Variants in GAN observed in about 807,000 individuals in gnomAD.
The protein encoded by GAN is gigaxonin, also known as epididymis secretory sperm binding protein.
In GAN, 48 loss-of-function variants were observed where a neutral mutation model predicts 71.3. The ratio of observed to expected loss-of-function variants is 0.67; its 90% CI spans 0.53 to 0.86. The LOEUF is 0.86. Ranked by LOEUF, GAN falls within the 40% of genes least tolerant of loss-of-function variation. The pLI is 0.00. For synonymous variants in GAN, 386 were observed against 276.8 expected (o/e 1.39, Z -3.92); for missense variants, 928 against 770.1 (o/e 1.21, Z -2.43).
chr16:81,362,373 C>T (rs1311043204), intron 5 of GAN, 126 bp from the exon 6 acceptor site: 2 of 707,844 alleles, frequency 2.8e-6, no homozygotes, highest in South Asian at 1.5e-5. Flanking sequence ...TGATAAAAGC[C>T]CTGAATCCAA....
chr16:81,366,778 T>C (rs555510823), intron 9 of GAN, among the ~76,000 whole-genome samples: 3 of 152,294 alleles, frequency 2.0e-5, no homozygotes, highest in Admixed American at 6.5e-5. Flanking sequence ...TTTCCTTCCT[T>C]GATACATGAC....
intron 1 of GAN, among the ~76,000 whole-genome samples, chr16:81,324,871 C>A (rs1179305604): frequency 6.6e-6 from 1 of 152,166 alleles, no homozygotes; most frequent in South Asian, 2.1e-4. Flanking sequence ...AAGAGTGGAA[C>A]CAGCGGCCGT....
chr16:81,364,939 G>A (rs1462474635), intron 7 of GAN, 35 bp from the exon 8 acceptor site: 7 of 1,610,784 alleles, frequency 4.3e-6, no homozygotes, highest in Admixed American at 1.7e-5. Context: ...AATGAGAAAT[G>A]TTGCCTCTCC....
At position 81,382,467 on chromosome 16, in the gene GAN, T is replaced by G. The variant is rs1904310350; in HGVS notation, c.*4871T>G. 2 of 152,234 alleles carry G rather than the reference T, an allele frequency of 1.3e-5. No homozygotes were observed. Among genetic ancestry groups the G allele is most frequent in the Non-Finnish European group, 2.9e-5 (2 of 68,042 alleles). 9.4% of individuals were successfully genotyped at this position (152,234 alleles called of 1,614,324 possible). ...GTCGTAAGAACAGAAGAAAGTTTCT[T>G]TGAAAGAGAAACTGTTTTTTTATTT... On this transcript the variant is annotated 3_prime_UTR_variant, in exon 11 of 11. Transcript: ENST00000648994.
chr16:81,338,988 T>C (rs1210114146), intron 1 of GAN, among the ~76,000 whole-genome samples: 1 of 152,240 alleles, frequency 6.6e-6, no homozygotes, highest in Non-Finnish European at 1.5e-5. Flanking sequence ...CTCAAGAGTT[T>C]AGAAACTCTT....
chr16:81,353,888 T>A (rs1284023653), intron 2 of GAN, among the ~76,000 whole-genome samples: 1 of 152,098 alleles, frequency 6.6e-6, no homozygotes, highest in Non-Finnish European at 1.5e-5. Flanking sequence ...GCGTACAGTG[T>A]TTTGGGATGC....
In GAN at chr16:81,384,803, A is replaced by G. The variant is rs1384338496; in HGVS notation, c.*7207A>G. ...CTCCGGTATGCGCCTTCTGCACTCC[A>G]CACGTGGTCGCCTCCATCCTCCCTA... On this transcript the variant is annotated 3_prime_UTR_variant, in exon 11 of 11. Transcript: ENST00000648994. 6.6e-6 allele frequency: 1 copy of G among 152,122 alleles called. No homozygotes were observed. The highest frequency in any genetic ancestry group is 2.4e-5 in the African/African-American group (1 of 41,388). 9.4% of individuals were successfully genotyped at this position (152,122 alleles called of 1,614,324 possible). A position where few individuals can be genotyped will look rare whatever the true frequency, so the allele number is the denominator to read the frequency against.
intron 1 of GAN, among the ~76,000 whole-genome samples, chr16:81,345,953 T>C (rs1402385164): frequency 1.3e-5 from 2 of 152,212 alleles, no homozygotes; most frequent in Non-Finnish European, 2.9e-5. Context: ...CAGTTCACAA[T>C]AGGGTTCGTG....
chr16:81,353,023 G>A (rs905152706), intron 2 of GAN, among the ~76,000 whole-genome samples: 1 of 152,220 alleles, frequency 6.6e-6, no homozygotes, highest in Admixed American at 6.5e-5. Context: ...CGGGCGCGGT[G>A]GCTCACGCCT....
At chr16:81,329,405 A>G (rs1241621889) in intron 1 of GAN, among the ~76,000 whole-genome samples, 2 of 152,184 alleles carry the variant, frequency 1.3e-5, no homozygotes, top group Non-Finnish European at 2.9e-5. Flanking sequence ...AAAAGAAAAA[A>G]AGTAAACAGA....
In GAN at chr16:81,354,522, T is replaced by C; in HGVS notation, c.400T>C (p.Cys134Arg). The change falls in exon 3 of 11, where the codon TGT becomes CGT. Residue 134 changes from cysteine (C) to arginine (R), a missense_variant. Coordinates refer to ENST00000648994, the MANE Select transcript of GAN (RefSeq NM_022041.4). ...GGAAGGCTGCATTGCTGCTGAGAAC[T>C]GTATTGGTATCCGTGACTTTGCACT... is the stretch of plus-strand genomic sequence containing the variant. Reference protein sequence around the residue: ...FLEGCIAAENCIGIRDFALHY... With the variant: ...FLEGCIAAENRIGIRDFALHY... 1 of 1,614,032 alleles carries C rather than the reference T, an allele frequency of 6.2e-7. No individual in the cohort carries two copies. The highest frequency in any genetic ancestry group is 8.5e-7 in the Non-Finnish European group (1 of 1,179,890).
chr16:81,353,387 C>T (rs558888782), intron 2 of GAN, among the ~76,000 whole-genome samples: 1 of 151,256 alleles, frequency 6.6e-6, no homozygotes, highest in Non-Finnish European at 1.5e-5. Context: ...GTTTTTTTCA[C>T]GTGCCTATAT....
At chr16:81,344,794 C>T (rs1029109773) in intron 1 of GAN, among the ~76,000 whole-genome samples, 12 of 152,184 alleles carry the variant, frequency 7.9e-5, no homozygotes, top group Non-Finnish European at 1.6e-4. Flanking sequence ...GCAAAAGAAA[C>T]TACCCTCAGA....
At chr16:81,327,649 G>C (rs924141888) in intron 1 of GAN, among the ~76,000 whole-genome samples, 1 of 152,192 alleles carries the variant, frequency 6.6e-6, no homozygotes, top group African/African-American at 2.4e-5. Flanking sequence ...CATTGGGAAA[G>C]AGAAAATGGA....
intron 1 of GAN, among the ~76,000 whole-genome samples, chr16:81,336,841 CT>C (rs1909779353): frequency 2.0e-5 from 3 of 152,152 alleles, no homozygotes. Flanking sequence ...AATATATCCC[CT>C]TTCCCCCATC....
chr16:81,345,470 A>G (rs1910088454), intron 1 of GAN, among the ~76,000 whole-genome samples: 1 of 152,202 alleles, frequency 6.6e-6, no homozygotes, highest in African/African-American at 2.4e-5. Context: ...GCTGGAAACC[A>G]TCATTCTCAG....
intron 1 of GAN, among the ~76,000 whole-genome samples, chr16:81,323,379 A>G (rs1909280771): frequency 6.6e-6 from 1 of 152,170 alleles, no homozygotes; most frequent in Non-Finnish European, 1.5e-5. Flanking sequence ...TGCTTGAGCA[A>G]AAGAGGTTAC....
At chr16:81,319,171 C>T (rs961033249) in intron 1 of GAN, among the ~76,000 whole-genome samples, 15 of 144,696 alleles carry the variant, frequency 1.0e-4, no homozygotes, top group African/African-American at 3.9e-4. Flanking sequence ...TGACAGAGAC[C>T]CTGTCTCTTA....
chr16:81,318,129 A>T (rs945999838), intron 1 of GAN, among the ~76,000 whole-genome samples: 3 of 152,220 alleles, frequency 2.0e-5, no homozygotes, highest in African/African-American at 7.2e-5. Flanking sequence ...TGTTTGTTTG[A>T]ATAGCACTTT....
Sources: gnomAD v4.1 joint callset for allele counts (sites outside exome capture counted in the v4.1 genomes callset) on GRCh38, gnomAD v4.1.1 for gene constraint, MANE v1.5 for transcripts, NCBI Gene and HGNC (gene_info 2026-07-23, HGNC 2026-07-21) for gene names.